Variants in IGBP1C observed in about 807,000 individuals in gnomAD.
IGBP1C encodes immunoglobulin-binding protein 1 family member C.
At chr17:58,661,217 A>C in the IGBP1C span, 1 of 796,554 alleles carries the variant, frequency 1.3e-6, no homozygotes. Context: ...GGTTTGGGGC[A>C]GCTCAAACTC....
At chr17:58,688,813 G>C in the IGBP1C span, among the ~76,000 whole-genome samples, 2 of 152,116 alleles carry the variant, frequency 1.3e-5, no homozygotes, top group Non-Finnish European at 2.9e-5. Flanking sequence ...TTCCCGGGGG[G>C]GGTTTGGGAG....
At chr17:58,671,622 G>A in the IGBP1C span, among the ~76,000 whole-genome samples, 1 of 152,042 alleles carries the variant, frequency 6.6e-6, no homozygotes, top group Non-Finnish European at 1.5e-5. Flanking sequence ...TTCTAAGGAT[G>A]GCCAATGTCC....
At chr17:58,679,474 G>GA in the IGBP1C span, 1 of 152,070 alleles carries the variant, frequency 6.6e-6, no homozygotes, top group Admixed American at 6.6e-5. Flanking sequence ...TATAACACAG[G>GA]AAAACCTACG....
the IGBP1C span, chr17:58,660,946 C>T: frequency 5.6e-6 from 6 of 1,073,024 alleles, no homozygotes; most frequent in Non-Finnish European, 5.8e-6. Flanking sequence ...CTCCCAGGAT[C>T]TTTATTTCCT....
the IGBP1C span, among the ~76,000 whole-genome samples, chr17:58,684,234 G>A: frequency 6.6e-6 from 1 of 151,882 alleles, no homozygotes; most frequent in Non-Finnish European, 1.5e-5. Context: ...GGCCTTGGCG[G>A]GTGGATCACC....
chr17:58,670,698 G>A, the IGBP1C span, among the ~76,000 whole-genome samples: 5 of 147,514 alleles, frequency 3.4e-5, no homozygotes, highest in East Asian at 2.0e-4. Context: ...GCTTGAACCC[G>A]GGAGGTGGAG....
chr17:58,679,424 A>C, the IGBP1C span: 1 of 143,858 alleles, frequency 7.0e-6, no homozygotes, highest in Non-Finnish European at 1.6e-5. Flanking sequence ...GACCATTAGA[A>C]GGCATCAATC....
chr17:58,666,412 A>G, the IGBP1C span: 18 of 134,606 alleles, frequency 1.3e-4, no homozygotes, highest in African/African-American at 3.8e-4. Context: ...TTCGGATGCC[A>G]CTGCACTCCA....
At chr17:58,682,189 T>C in the IGBP1C span, among the ~76,000 whole-genome samples, 89 of 152,032 alleles carry the variant, frequency 5.9e-4, no homozygotes, top group Non-Finnish European at 1.0e-3. Context: ...GCTCAAGCAA[T>C]TGACCCGTCT....
At chr17:58,666,025 G>T in the IGBP1C span, among the ~76,000 whole-genome samples, 1 of 151,234 alleles carries the variant, frequency 6.6e-6, no homozygotes, top group African/African-American at 2.4e-5. Flanking sequence ...CTCCAGCCTG[G>T]GAGACGGCGA....
the IGBP1C span, among the ~76,000 whole-genome samples, chr17:58,664,632 A>G: frequency 6.6e-6 from 1 of 152,184 alleles, no homozygotes; most frequent in Non-Finnish European, 1.5e-5. Flanking sequence ...TGCCAGACCT[A>G]TAAAAAGTTC....
chr17:58,665,488 T>C, the IGBP1C span, among the ~76,000 whole-genome samples: 2 of 151,970 alleles, frequency 1.3e-5, no homozygotes, highest in African/African-American at 2.4e-5. Context: ...GTCCAGCTAC[T>C]CTGAGGCTGA....
the IGBP1C span, chr17:58,660,795 C>A: frequency 1.3e-6 from 1 of 781,590 alleles, no homozygotes; most frequent in Non-Finnish European, 2.4e-6. Context: ...CAGTCACTCA[C>A]TGTCATGGAA....
At chr17:58,679,613 T>A in the IGBP1C span, 1 of 152,218 alleles carries the variant, frequency 6.6e-6, no homozygotes, top group Non-Finnish European at 1.5e-5. Flanking sequence ...GGTCAGCACA[T>A]CCACAATGCA....
the IGBP1C span, among the ~76,000 whole-genome samples, chr17:58,674,873 G>A: frequency 1.1e-4 from 16 of 150,298 alleles, no homozygotes; most frequent in African/African-American, 2.9e-4. Flanking sequence ...GGCCGGGCAC[G>A]GTGGCTCACA....
At chr17:58,675,913 T>C in the IGBP1C span, among the ~76,000 whole-genome samples, 3 of 152,188 alleles carry the variant, frequency 2.0e-5, no homozygotes, top group South Asian at 2.1e-4. Flanking sequence ...TAAATTGATA[T>C]ATCATAGTAG....
chr17:58,669,068 A>G, the IGBP1C span, among the ~76,000 whole-genome samples: 1 of 152,174 alleles, frequency 6.6e-6, no homozygotes, highest in Non-Finnish European at 1.5e-5. Context: ...AGGGGGAGAC[A>G]ATGCCAGGCA....
chr17:58,688,669 T>C, the IGBP1C span, among the ~76,000 whole-genome samples: 75 of 152,254 alleles, frequency 4.9e-4, 1 homozygote, highest in African/African-American at 1.3e-3. Context: ...GAAGGTCACA[T>C]AGTTGGTAAC....
At chr17:58,687,028 C>T in the IGBP1C span, among the ~76,000 whole-genome samples, 3 of 151,936 alleles carry the variant, frequency 2.0e-5, no homozygotes, top group Non-Finnish European at 4.4e-5. Flanking sequence ...TGCCCACCAC[C>T]ACACCTGTAG....
Sources: allele counts gnomAD v4.1 joint callset (sites outside exome capture counted in the v4.1 genomes callset), GRCh38; gene constraint gnomAD v4.1.1; transcripts MANE v1.5; gene names NCBI Gene and HGNC (gene_info 2026-07-23, HGNC 2026-07-21).